The following ENTHD1 variants were observed in gnomAD, a reference collection of about 807,000 sequenced individuals.
ENTHD1 encodes the protein ENTH domain-containing protein 1.
A neutral mutation model predicts 39.1 loss-of-function variants in ENTHD1; 23 were observed. That is an observed-to-expected ratio of 0.59 (90% CI 0.42 to 0.83). The LOEUF is 0.83. Ranked by LOEUF, ENTHD1 falls within the 40% of genes least tolerant of loss-of-function variation. The pLI, the probability that ENTHD1 is intolerant of heterozygous loss-of-function variation, is 0.00. For synonymous variants in ENTHD1, 230 were observed against 258.2 expected, an observed-to-expected ratio of 0.89 and a Z score of 1.05; for missense variants, 624 against 705.4, an observed-to-expected ratio of 0.88 and a Z score of 1.31.
chr22:39,752,969 T>C (rs1401907535), intron 6 of ENTHD1, among the ~76,000 whole-genome samples: 14 of 152,192 alleles, frequency 9.2e-5, no homozygotes, highest in Non-Finnish European at 1.8e-4. Context: ...GAAAAGTGCA[T>C]GGTTAATGGG....
chr22:39,754,977 C>T lies in ENTHD1; in HGVS notation c.1219+10246G>A, dbSNP rs548547995. Among the ~76,000 whole-genome samples the T allele has an allele frequency of 2.0e-4, 31 of 152,258 alleles. No homozygotes were observed. In the South Asian group the frequency reaches 3.3e-3, roughly 16 times the overall value. On this transcript the variant is annotated intron_variant, in intron 6 of 6. Transcript: ENST00000325157. The stretch of plus-strand genomic sequence containing the variant: ...TTAATTTTCCAGTGTTTTCTTCTAC[C>T]GCTTCTTCATGCACATTTTCCACTT...
At chr22:39,869,250 G>A (rs2066216774) in intron 2 of ENTHD1, among the ~76,000 whole-genome samples, 1 of 152,182 alleles carries the variant, frequency 6.6e-6, no homozygotes, top group Admixed American at 6.5e-5. Context: ...TGAAGAGAGT[G>A]TGGTACATAT....
At chr22:39,824,410 C>T (rs1409164529) in intron 4 of ENTHD1, among the ~76,000 whole-genome samples, 1 of 151,746 alleles carries the variant, frequency 6.6e-6, no homozygotes, top group African/African-American at 2.4e-5. Flanking sequence ...GGGGTTTTAC[C>T]GTGTTGGCCA....
chr22:39,759,356 C>T (rs1474661606), intron 6 of ENTHD1, among the ~76,000 whole-genome samples: 1 of 152,072 alleles, frequency 6.6e-6, no homozygotes, highest in African/African-American at 2.4e-5. Context: ...CAATTTTAGC[C>T]AGTTGTCTTA....
intron 5 of ENTHD1, among the ~76,000 whole-genome samples, chr22:39,800,799 A>G (rs1383700486): frequency 3.3e-5 from 5 of 152,222 alleles, no homozygotes; most frequent in Non-Finnish European, 7.3e-5. Flanking sequence ...GCATTAAAAG[A>G]TATCTTTCAT....
intron 5 of ENTHD1, among the ~76,000 whole-genome samples, chr22:39,773,859 A>G (rs1477666593): frequency 3.3e-5 from 5 of 152,212 alleles, no homozygotes. Flanking sequence ...GATTCAAACA[A>G]ATGATGTCTG....
At chr22:39,879,048 C>CA (rs572936412) in intron 2 of ENTHD1, among the ~76,000 whole-genome samples, 14 of 145,964 alleles carry the variant, frequency 9.6e-5, no homozygotes, top group African/African-American at 1.8e-4. Flanking sequence ...AAAATATTTG[C>CA]AAAAAAAAAT....
chr22:39,824,194 T>A (rs1353318727), intron 4 of ENTHD1, among the ~76,000 whole-genome samples: 1 of 138,182 alleles, frequency 7.2e-6, no homozygotes, highest in Non-Finnish European at 1.6e-5. Context: ...CATGCTTTTG[T>A]CCAGTTCTTT....
At chr22:39,818,702 T>C in intron 5 of ENTHD1, among the ~76,000 whole-genome samples, 1 of 152,168 alleles carries the variant, frequency 6.6e-6, no homozygotes, top group East Asian at 1.9e-4. Flanking sequence ...CTGAGACTAC[T>C]GTAAAGGAAA....
At chr22:39,864,845 T>C (rs1321361957) in intron 2 of ENTHD1, among the ~76,000 whole-genome samples, 1 of 152,088 alleles carries the variant, frequency 6.6e-6, no homozygotes, top group Non-Finnish European at 1.5e-5. Context: ...TGAGCTGAGA[T>C]TGGGCCACAG....
chr22:39,782,089 C>T (rs990767166), intron 5 of ENTHD1, among the ~76,000 whole-genome samples: 1 of 152,138 alleles, frequency 6.6e-6, no homozygotes, highest in Non-Finnish European at 1.5e-5. Context: ...GAGTTCAAGA[C>T]TAGTCTGGCC....
Position 39,765,459 on chromosome 22 carries a change from G to A in ENTHD1, c.983C>T (p.Thr328Ile). 1 of 1,613,898 alleles carries A rather than the reference G, an allele frequency of 6.2e-7. No individual in the cohort carries two copies. Among genetic ancestry groups the A allele is most frequent in the Non-Finnish European group, 8.5e-7 (1 of 1,179,944 alleles). ...EKQSAAEGLK[T>I]LTILPACWSS... ...CCAACATGCTGGTAAAATTGTCAAT[G>A]TTTTAAGACCTTCTGCAGCTGATTG... Residue 328 changes from threonine (T) to isoleucine (I), a missense_variant, in exon 6 of 7, where the codon ACA (threonine) becomes ATA (isoleucine). Physicochemically the swap from Thr to Ile is moderately conservative, Grantham distance 89. Coordinates refer to ENST00000325157, the MANE Select transcript of ENTHD1 (RefSeq NM_152512.4).
chr22:39,771,306 G>A (rs899127131), intron 5 of ENTHD1, among the ~76,000 whole-genome samples: 10 of 152,118 alleles, frequency 6.6e-5, no homozygotes, highest in South Asian at 4.1e-4. Context: ...GTTAGAAGGC[G>A]GAGAACGCTG....
At chr22:39,853,063 T>C (rs1171164273) in intron 3 of ENTHD1, among the ~76,000 whole-genome samples, 1 of 152,188 alleles carries the variant, frequency 6.6e-6, no homozygotes, top group Admixed American at 6.5e-5. Context: ...AGTAACAACA[T>C]CAACGTTGCT....
At chr22:39,788,213 T>C (rs2065474953) in intron 5 of ENTHD1, among the ~76,000 whole-genome samples, 1 of 152,174 alleles carries the variant, frequency 6.6e-6, no homozygotes, top group Non-Finnish European at 1.5e-5. Flanking sequence ...GCAAAGTAAA[T>C]TAAAAACCTT....
chr22:39,857,421 C>A (rs1427594955), intron 3 of ENTHD1, among the ~76,000 whole-genome samples: 3 of 109,484 alleles, frequency 2.7e-5, no homozygotes, highest in Non-Finnish European at 5.0e-5. Flanking sequence ...CCAGCCTGGA[C>A]AGCAAGAGTG....
intron 5 of ENTHD1, among the ~76,000 whole-genome samples, chr22:39,789,488 C>T (rs2065487145): frequency 6.6e-6 from 1 of 152,134 alleles, no homozygotes; most frequent in African/African-American, 2.4e-5. Flanking sequence ...AGTCCTTAGG[C>T]CTCAGGACAT....
chr22:39,887,704 T>A lies in ENTHD1; in HGVS notation c.45A>T (p.Ser15=), dbSNP rs2066391600. 1 of 1,589,736 alleles carries A rather than the reference T, an allele frequency of 6.3e-7. No homozygotes were observed. The highest frequency in any genetic ancestry group is 8.5e-7 in the Non-Finnish European group (1 of 1,170,178). Residue 15 remains serine (S), a synonymous_variant, in exon 2 of 7, where the codon TCA becomes TCT. Coordinates refer to ENST00000325157, the MANE Select transcript of ENTHD1 (RefSeq NM_152512.4). ...CTTCCCTGACTTTTATTTCAGCATCTGAGTAATTTTTCACAAAGTTTTTCA... is the reference window on the plus strand; with the variant it reads ...CTTCCCTGACTTTTATTTCAGCATCAGAGTAATTTTTCACAAAGTTTTTCA... ...RQVKNFVKNY[S]DAEIKVREAT...
intron 5 of ENTHD1, among the ~76,000 whole-genome samples, chr22:39,789,667 T>G (rs764331371): frequency 6.6e-6 from 1 of 152,186 alleles, no homozygotes; most frequent in Non-Finnish European, 1.5e-5. Context: ...AATACAACAG[T>G]GGACAAAAAG....
Sources: gnomAD v4.1 joint callset for allele counts (sites outside exome capture counted in the v4.1 genomes callset) on GRCh38, gnomAD v4.1.1 for gene constraint, MANE v1.5 for transcripts, NCBI Gene and HGNC (gene_info 2026-07-23, HGNC 2026-07-21) for gene names.